NBAS: variants seen among roughly 807,000 people sequenced by gnomAD.
The protein encoded by NBAS is NAG/BC035112 fusion.
In NBAS, 219 loss-of-function variants were observed where a neutral mutation model predicts 302.5. The ratio of observed to expected loss-of-function variants is 0.72; its 90% CI spans 0.65 to 0.81. NBAS has a LOEUF of 0.81. Among genes scored for constraint, NBAS ranks in the 30% least tolerant of loss-of-function variants. NBAS has a pLI of 0.00. For missense variants in NBAS, 2,932 were observed against 2,841.6 expected (o/e 1.03, Z -0.72); for synonymous variants, 1,118 against 1,021.6 (o/e 1.09, Z -1.80).
intron 48 of NBAS, among the ~76,000 whole-genome samples, chr2:15,208,217 T>C (rs1453727718): frequency 3.3e-5 from 5 of 152,168 alleles, no homozygotes; most frequent in Middle Eastern, 3.2e-3. Flanking sequence ...ATGTCTTACA[T>C]GGCAGCAGGC....
intron 2 of NBAS, 136 bp downstream of exon 2, chr2:15,558,443 TG>T (rs1304735198): frequency 1.5e-6 from 1 of 650,472 alleles, no homozygotes; most frequent in African/African-American, 1.8e-5. Context: ...TACATACATA[TG>T]TGTGTATATA....
chr2:14,924,711 A>C, the NBAS span, among the ~76,000 whole-genome samples: 1 of 150,742 alleles, frequency 6.6e-6, no homozygotes, highest in Non-Finnish European at 1.5e-5. Context: ...AGACATATTA[A>C]CTCCAGTCAC....
chr2:15,467,490 CG>C, intron 18 of NBAS, 83 bp from the exon 19 acceptor site: 1 of 1,348,368 alleles, frequency 7.4e-7, no homozygotes, highest in African/African-American at 1.5e-5. Context: ...ATTAATATTC[CG>C]TTGAGCCCAA....
chr2:14,854,221 G>A, the NBAS span, among the ~76,000 whole-genome samples: 1 of 151,728 alleles, frequency 6.6e-6, no homozygotes, highest in Admixed American at 6.6e-5. Flanking sequence ...TACCTACCTT[G>A]AAAGAGAAGG....
chr2:14,980,199 C>A, the NBAS span, among the ~76,000 whole-genome samples: 1 of 152,052 alleles, frequency 6.6e-6, no homozygotes, highest in African/African-American at 2.4e-5. Context: ...ACACGAGAGA[C>A]CCAAAGATGC....
chr2:15,463,788 C>CAAAAA (rs55808465), intron 19 of NBAS, among the ~76,000 whole-genome samples: 49,110 of 89,996 alleles, frequency 0.55, 13,461 homozygotes, highest in Non-Finnish European at 0.66. Context: ...GAACCAAATG[C>CAAAAA]AAAAAAAAAA....
At chr2:15,447,784 C>T (rs896388586) in intron 21 of NBAS, among the ~76,000 whole-genome samples, 98 of 152,276 alleles carry the variant, frequency 6.4e-4, no homozygotes, top group African/African-American at 1.8e-3. Flanking sequence ...AGAAGAAATA[C>T]TCCTGTCTTA....
At chr2:15,475,567 T>C in intron 14 of NBAS, 120 bp downstream of exon 14, 2 of 1,056,826 alleles carry the variant, frequency 1.9e-6, no homozygotes, top group South Asian at 1.5e-5. Context: ...CATTACCTGA[T>C]TCCAATCACA....
At chr2:14,987,434 G>C in the NBAS span, among the ~76,000 whole-genome samples, 4 of 151,574 alleles carry the variant, frequency 2.6e-5, no homozygotes, top group South Asian at 8.3e-4. Flanking sequence ...TACCGACATA[G>C]CCTGGCTTAA....
the NBAS span, among the ~76,000 whole-genome samples, chr2:14,902,187 AG>A: frequency 6.6e-6 from 1 of 152,314 alleles, no homozygotes; most frequent in East Asian, 1.9e-4. Flanking sequence ...GCTAGAGTGC[AG>A]TGGCATGATC....
the NBAS span, among the ~76,000 whole-genome samples, chr2:14,854,164 A>G: frequency 3.2e-4 from 48 of 152,000 alleles, 1 homozygote; most frequent in East Asian, 7.7e-4. Context: ...ACCAAAACCT[A>G]TAGGATACAG....
chr2:15,251,571 T>C (rs1162036881), intron 44 of NBAS, among the ~76,000 whole-genome samples: 1 of 152,208 alleles, frequency 6.6e-6, no homozygotes, highest in Non-Finnish European at 1.5e-5. Flanking sequence ...TTGCCCATTT[T>C]AATGGTTATT....
chr2:15,261,478 T>C (rs1668850287), intron 44 of NBAS, among the ~76,000 whole-genome samples: 1 of 152,252 alleles, frequency 6.6e-6, no homozygotes, highest in Admixed American at 6.5e-5. Flanking sequence ...ACCATAATTA[T>C]GCTTTTTTGC....
chr2:15,387,298 A>C (rs976699284), intron 28 of NBAS, among the ~76,000 whole-genome samples: 2 of 152,014 alleles, frequency 1.3e-5, no homozygotes, highest in South Asian at 2.1e-4. Flanking sequence ...CCATCTCCTG[A>C]CCTTGTGATC....
At chr2:14,915,222 G>C in the NBAS span, among the ~76,000 whole-genome samples, 1 of 152,316 alleles carries the variant, frequency 6.6e-6, no homozygotes, top group Admixed American at 6.5e-5. Flanking sequence ...GCTGGTGAAA[G>C]ATATTACCTT....
At chr2:15,242,616 A>T (rs1025091917) in intron 44 of NBAS, among the ~76,000 whole-genome samples, 2 of 151,904 alleles carry the variant, frequency 1.3e-5, no homozygotes, top group East Asian at 3.9e-4. Context: ...AAAAGAAAGA[A>T]ATGATTAAAA....
chr2:14,992,583 A>G, the NBAS span, among the ~76,000 whole-genome samples: 1 of 152,216 alleles, frequency 6.6e-6, no homozygotes, highest in Non-Finnish European at 1.5e-5. Flanking sequence ...GAGATGGTTC[A>G]GGGCTGCCCC....
chr2:15,002,836 G>A, the NBAS span, among the ~76,000 whole-genome samples: 3 of 152,176 alleles, frequency 2.0e-5, no homozygotes, highest in South Asian at 2.1e-4. Flanking sequence ...CAAGTGCGGG[G>A]CCCGCCAAGC....
chr2:15,558,697 T>C, intron 1 of NBAS, 63 bp from the exon 2 acceptor site: 1 of 1,200,396 alleles, frequency 8.3e-7, no homozygotes, highest in Non-Finnish European at 1.2e-6. Flanking sequence ...CCAGTATTAC[T>C]TATACAATAT....
Sources: gnomAD v4.1 joint callset for allele counts (sites outside exome capture counted in the v4.1 genomes callset) on GRCh38, gnomAD v4.1.1 for gene constraint, MANE v1.5 for transcripts, NCBI Gene and HGNC (gene_info 2026-07-23, HGNC 2026-07-21) for gene names.